CNTNAP3B: variants seen among roughly 807,000 people sequenced by gnomAD.
CNTNAP3B encodes contactin-associated protein-like 3B.
CNTNAP3B carries 25 observed loss-of-function variants against 108.9 expected under a neutral mutation model. That is an observed-to-expected ratio of 0.23 (90% CI 0.17 to 0.32). The LOEUF (loss-of-function observed/expected upper bound fraction) is 0.32. Ranked by LOEUF, CNTNAP3B falls within the 10% of genes least tolerant of loss-of-function variation. The pLI is 1.00. For missense variants in CNTNAP3B, 252 were observed against 1,210.4 expected (o/e 0.21, Z 11.75); for synonymous variants, 103 against 473.4 (o/e 0.22, Z 10.16).
chr9:41,916,467 C>A (rs1823519615), intron 18 of CNTNAP3B, among the ~76,000 whole-genome samples: 1 of 152,098 alleles, frequency 6.6e-6, no homozygotes, highest in Admixed American at 6.5e-5. Flanking sequence ...GGGTTATATC[C>A]CTTCAACCTG....
Position 42,117,958 on chromosome 9 carries a change from CT to C in CNTNAP3B, c.85+11051del, listed in dbSNP as rs1427177420. 2.9e-5 allele frequency among the ~76,000 whole-genome samples: 4 copies of C among 137,510 alleles called. 1 individual carries two copies. The highest frequency in any genetic ancestry group is 5.8e-5 in the African/African-American group (2 of 34,590). 90.2% of individuals were successfully genotyped at this position (137,510 alleles called of 152,430 possible). A position where few individuals can be genotyped will look rare whatever the true frequency, so the allele number is the denominator to read the frequency against. On this transcript the variant is annotated intron_variant, in intron 1 of 23. Coordinates refer to ENST00000377561, the MANE Select transcript of CNTNAP3B (RefSeq NM_001201380.3). Reference sequence around the variant, plus strand: ...GGATAAATTCCTCGACACATACATCCTCCCAAGACTAAACCAGGAAAAAGTT... The same window carrying C: ...GGATAAATTCCTCGACACATACATCCCCCAAGACTAAACCAGGAAAAAGTT...
chr9:41,921,559 A>G (rs1010183152), intron 17 of CNTNAP3B, among the ~76,000 whole-genome samples: 5 of 152,214 alleles, frequency 3.3e-5, no homozygotes, highest in African/African-American at 1.2e-4. Context: ...TAAAACACTT[A>G]AGAATGAACA....
intron 14 of CNTNAP3B, among the ~76,000 whole-genome samples, chr9:41,934,486 G>T (rs1307100643): frequency 6.6e-6 from 1 of 152,258 alleles, no homozygotes; most frequent in Admixed American, 6.5e-5. Context: ...CTCCCAAAGT[G>T]CTGGGATTAC....
intron 1 of CNTNAP3B, among the ~76,000 whole-genome samples, chr9:42,127,320 C>T (rs28636637): frequency 0.44 from 59,793 of 137,110 alleles, 17,761 homozygotes; most frequent in East Asian, 0.7. Flanking sequence ...TTTCTATGGG[C>T]TTTGTAATCC....
In CNTNAP3B at chr9:41,986,264, T is replaced by C; in HGVS notation, c.1381A>G (p.Lys461Glu). 9.1e-7 allele frequency: 1 copy of C among 1,095,112 alleles called. No individual in the cohort carries two copies. The highest frequency in any genetic ancestry group is 2.1e-5 in the African/African-American group (1 of 48,646). 67.8% of individuals were successfully genotyped at this position (1,095,112 alleles called of 1,614,324 possible). A position where few individuals can be genotyped will look rare whatever the true frequency, so the allele number is the denominator to read the frequency against. ...ACCACCACATTCATATGGCTCCACTTGGCAGAGAAGGATACAGAGTGCCAC... is the reference window on the plus strand; with the variant it reads ...ACCACCACATTCATATGGCTCCACTCGGCAGAGAAGGATACAGAGTGCCAC... ...GQWHSVSFSA[K>E]WSHMNVVVDD... Residue 461 changes from lysine (K) to glutamate (E), a missense_variant, in exon 9 of 24, where the codon AAG (lysine) becomes GAG (glutamate). Lys to Glu is a moderately conservative substitution (Grantham distance 56). Transcript: ENST00000377561.
In CNTNAP3B at chr9:42,085,315, G is replaced by A. The variant is rs1475288818; in HGVS notation, c.197-8253C>T. Among the ~76,000 whole-genome samples, 136 of 148,158 alleles carry A rather than the reference G, an allele frequency of 9.2e-4. 1 individual carries two copies. The highest frequency in any genetic ancestry group is 3.1e-3 in the African/African-American group (121 of 39,604). ...CAGTTGTATGACACGTTTAGGGTCC[G>A]TAACCCCCACCACAATCAAGAAAGA... is the stretch of plus-strand genomic sequence containing the variant. On this transcript the variant is annotated intron_variant, in intron 2 of 23. Transcript: ENST00000377561.
At chr9:42,060,211 A>G (rs548854621) in intron 3 of CNTNAP3B, among the ~76,000 whole-genome samples, 10 of 138,118 alleles carry the variant, frequency 7.2e-5, no homozygotes, top group African/African-American at 2.6e-4. Flanking sequence ...TTTACAACCA[A>G]TATGTTGAGA....
At position 42,036,062 on chromosome 9, in the gene CNTNAP3B, C is replaced by T. The variant is rs538456897; in HGVS notation, c.391-22537G>A. On this transcript the variant is annotated intron_variant, in intron 3 of 23. Transcript: ENST00000377561. ...GGCAGAGGTTGCGGTGAGCCAAGAT[C>T]GCACCACTGCACTCCAGCCTGGGCA... Among the ~76,000 whole-genome samples, 19 of 149,304 alleles carry T rather than the reference C, an allele frequency of 1.3e-4. No homozygotes were observed. In the East Asian group the frequency reaches 1.8e-3, roughly 14 times the overall value.
At chr9:41,926,436 A>T (rs1460796366) in intron 15 of CNTNAP3B, among the ~76,000 whole-genome samples, 1 of 152,294 alleles carries the variant, frequency 6.6e-6, no homozygotes, top group Non-Finnish European at 1.5e-5. Flanking sequence ...AGAATATTTT[A>T]TTTTTCTTTC....
chr9:42,115,305 C>A (rs1460979005), intron 1 of CNTNAP3B, among the ~76,000 whole-genome samples: 1 of 133,154 alleles, frequency 7.5e-6, no homozygotes, highest in Middle Eastern at 3.3e-3. Context: ...CAGCTCCCAG[C>A]ATGAACGACG....
At chr9:42,066,906 A>G (rs1455494795) in intron 3 of CNTNAP3B, among the ~76,000 whole-genome samples, 7 of 143,606 alleles carry the variant, frequency 4.9e-5, no homozygotes, top group Non-Finnish European at 9.1e-5. Flanking sequence ...GAAGGAATAA[A>G]TAAATCTTTA....
Position 41,979,062 on chromosome 9 carries a change from C to G in CNTNAP3B, c.1477+7106G>C, listed in dbSNP as rs1825573598. Among the ~76,000 whole-genome samples, 2 of 138,014 alleles carry G rather than the reference C, an allele frequency of 1.4e-5. 1 individual carries two copies. Among genetic ancestry groups the G allele is most frequent in the African/African-American group, 5.8e-5 (2 of 34,450 alleles). The allele number at this position is 138,014 out of a possible 152,430, so 90.5% of individuals were successfully genotyped here. A position where few individuals can be genotyped will look rare whatever the true frequency, so the allele number is the denominator to read the frequency against. ...TGGGGTCAGGGAGGAACCCAGTAAA[C>G]AGCCCTGGCCTTGCAGGTGTAACAG... is the stretch of plus-strand genomic sequence containing the variant. On this transcript the variant is annotated intron_variant, in intron 9 of 23. Coordinates refer to ENST00000377561, the MANE Select transcript of CNTNAP3B (RefSeq NM_001201380.3).
rs1196693384 is a variant in CNTNAP3B, at chr9:42,053,341, C to T, written c.390+23528G>A. Among the ~76,000 whole-genome samples the T allele has an allele frequency of 6.0e-4, 76 of 127,700 alleles. 13 individuals carry two copies. Among genetic ancestry groups the T allele is most frequent in the Middle Eastern group, 3.7e-3 (1 of 270 alleles). The allele number at this position is 127,700 out of a possible 152,430, so 83.8% of individuals were successfully genotyped here. ...AGATAGCCTAAATGACATGTTTTAG[C>T]CAGTGGCATATAAAATTAGATTTGT... On this transcript the variant is annotated intron_variant, in intron 3 of 23. Coordinates refer to ENST00000377561, the MANE Select transcript of CNTNAP3B (RefSeq NM_001201380.3).
rs1827508528 is a variant in CNTNAP3B at position 42,077,090 on chromosome 9, A to G, written c.197-28T>C. 3.3e-6 allele frequency: 5 copies of G among 1,535,580 alleles called. 1 individual carries two copies. The highest frequency in any genetic ancestry group is 3.5e-6 in the Non-Finnish European group (4 of 1,136,880). Reference sequence around the variant, plus strand: ...TTTTTGAAACAGAAAAAGTATAAAAATGGTAGAGGAGGAAGTTATTTAACA... The same window carrying G: ...TTTTTGAAACAGAAAAAGTATAAAAGTGGTAGAGGAGGAAGTTATTTAACA... On this transcript the variant is annotated intron_variant, in intron 2 of 23. Transcript: ENST00000377561.
At chr9:41,954,111 G>C (rs1366239058) in intron 12 of CNTNAP3B, among the ~76,000 whole-genome samples, 1 of 152,208 alleles carries the variant, frequency 6.6e-6, no homozygotes, top group Non-Finnish European at 1.5e-5. Context: ...CACCAGACTT[G>C]AAGTCACTTT....
intron 15 of CNTNAP3B, 32 bp downstream of exon 15, chr9:41,929,285 T>C (rs1233827688): frequency 1.4e-6 from 2 of 1,477,396 alleles, no homozygotes; most frequent in Non-Finnish European, 1.8e-6. Context: ...AAAGTTATTA[T>C]GAAAATAAAG....
intron 13 of CNTNAP3B, among the ~76,000 whole-genome samples, chr9:41,940,135 A>G (rs979216634): frequency 6.6e-6 from 1 of 152,298 alleles, no homozygotes; most frequent in South Asian, 2.1e-4. Flanking sequence ...CTATCAGACA[A>G]TATCATCCGA....
chr9:41,955,096 G>A (rs1402397644), intron 12 of CNTNAP3B, among the ~76,000 whole-genome samples: 4 of 150,354 alleles, frequency 2.7e-5, no homozygotes, highest in Admixed American at 1.3e-4. Context: ...GGAACACTAA[G>A]TTGGGCATTG....
intron 13 of CNTNAP3B, among the ~76,000 whole-genome samples, chr9:41,938,880 C>T (rs1206450810): frequency 1.3e-5 from 2 of 152,278 alleles, no homozygotes; most frequent in Non-Finnish European, 2.9e-5. Context: ...TCAGTACTTA[C>T]TAATTTTTGG....
Sources: allele counts gnomAD v4.1 joint callset (sites outside exome capture counted in the v4.1 genomes callset), GRCh38; gene constraint gnomAD v4.1.1; transcripts MANE v1.5; gene names NCBI Gene and HGNC (gene_info 2026-07-23, HGNC 2026-07-21).